CTNND2: variants seen among roughly 807,000 people sequenced by gnomAD.
CTNND2 encodes catenin delta-2.
A neutral mutation model predicts 144.4 loss-of-function variants in CTNND2; 22 were observed. The observed-to-expected ratio is 0.15, with a 90% CI of 0.11 to 0.22. CTNND2 has a LOEUF of 0.22. CTNND2 is among the 10% of genes least tolerant of loss of function. The pLI is 1.00. For missense variants in CTNND2, 1,353 were observed against 1,618.8 expected, an observed-to-expected ratio of 0.84 and a Z score of 2.82; for synonymous variants, 751 against 695.6, an observed-to-expected ratio of 1.08 and a Z score of -1.25.
chr5:11,565,539 A>C (rs958292885), intron 2 of CTNND2, among the ~76,000 whole-genome samples: 16 of 152,298 alleles, frequency 1.1e-4, no homozygotes, highest in African/African-American at 3.9e-4. Context: ...TATATATTGT[A>C]GATTGAAGAA....
At chr5:11,482,255 A>T (rs56023846) in intron 3 of CTNND2, among the ~76,000 whole-genome samples, 8,540 of 152,188 alleles carry the variant, frequency 0.056, 338 homozygotes, top group Non-Finnish European at 0.085. Flanking sequence ...GAAGGTTTAC[A>T]TCCCTGATAA....
chr5:11,018,141 T>C, intron 17 of CTNND2, 83 bp from the exon 18 acceptor site: 1 of 879,114 alleles, frequency 1.1e-6, no homozygotes, highest in Non-Finnish European at 1.9e-6. Context: ...ATTTCAAACC[T>C]CTTCATTATT....
intron 9 of CTNND2, among the ~76,000 whole-genome samples, chr5:11,291,512 C>T (rs1345539960): frequency 6.6e-6 from 1 of 152,104 alleles, no homozygotes; most frequent in African/African-American, 2.4e-5. Context: ...GATGAGTCTC[C>T]CTCATACACA....
At chr5:11,334,961 C>T (rs1489536911) in intron 9 of CTNND2, among the ~76,000 whole-genome samples, 1 of 152,234 alleles carries the variant, frequency 6.6e-6, no homozygotes, top group African/African-American at 2.4e-5. Context: ...CTTCAATGCA[C>T]TTTAGTACAT....
At chr5:11,714,053 T>C (rs1786201131) in intron 2 of CTNND2, among the ~76,000 whole-genome samples, 1 of 152,226 alleles carries the variant, frequency 6.6e-6, no homozygotes, top group African/African-American at 2.4e-5. Context: ...TTAACTTTGT[T>C]ACACGGGGAG....
intron 1 of CTNND2, among the ~76,000 whole-genome samples, chr5:11,827,341 T>C (rs1793656366): frequency 6.6e-6 from 1 of 152,202 alleles, no homozygotes; most frequent in African/African-American, 2.4e-5. Context: ...CAAAATGTGC[T>C]GCATTAAATC....
chr5:11,771,282 T>C (rs893920286), intron 1 of CTNND2, among the ~76,000 whole-genome samples: 14 of 145,024 alleles, frequency 9.7e-5, no homozygotes, highest in African/African-American at 3.3e-4. Flanking sequence ...ACCTCCACCT[T>C]CCGGCTAATT....
intron 2 of CTNND2, among the ~76,000 whole-genome samples, chr5:11,721,230 A>C (rs1173664234): frequency 6.6e-6 from 1 of 152,248 alleles, no homozygotes; most frequent in Non-Finnish European, 1.5e-5. Context: ...CCATATATTT[A>C]TAATTCCATT....
intron 1 of CTNND2, among the ~76,000 whole-genome samples, chr5:11,889,400 C>G (rs1736796312): frequency 6.6e-6 from 1 of 152,152 alleles, no homozygotes; most frequent in Non-Finnish European, 1.5e-5. Flanking sequence ...ATTCAATGCT[C>G]CAAGAGAGAA....
In CTNND2 at chr5:10,972,607, T is replaced by A. The variant is rs1422439165; in HGVS notation, c.*846A>T. On this transcript the variant is annotated 3_prime_UTR_variant, in exon 22 of 22. Coordinates refer to ENST00000304623, the MANE Select transcript of CTNND2 (RefSeq NM_001332.4). ...AAACTGGTATAAATGAAAAAATCTA[T>A]TTCAAATATCTACATCTAAAATTTT... 3 of 152,670 alleles carry A rather than the reference T, an allele frequency of 2.0e-5. No homozygotes were observed. Among genetic ancestry groups the A allele is most frequent in the Non-Finnish European group, 4.4e-5 (3 of 68,050 alleles). The allele number at this position is 152,670 out of a possible 1,614,324, so 9.5% of individuals were successfully genotyped here.
At chr5:11,728,142 A>G (rs942567935) in intron 2 of CTNND2, among the ~76,000 whole-genome samples, 1 of 152,136 alleles carries the variant, frequency 6.6e-6, no homozygotes, top group Non-Finnish European at 1.5e-5. Context: ...CAACATATAT[A>G]AAGTACTCAG....
intron 2 of CTNND2, among the ~76,000 whole-genome samples, chr5:11,641,768 G>A (rs1023201233): frequency 2.1e-5 from 3 of 145,490 alleles, no homozygotes; most frequent in East Asian, 2.3e-4. Flanking sequence ...ATACATATAC[G>A]TATATGTATG....
In CTNND2 at chr5:11,457,931, GA is replaced by G. The variant is rs1437653564; in HGVS notation, c.288-45863del. On this transcript the variant is annotated intron_variant, in intron 3 of 21. Transcript: ENST00000304623. ...GATGGCTGATGAGACGCAAGACACT[GA>G]AATCTTACTTGCATGGGCTCTGAAG... Among the ~76,000 whole-genome samples the G allele has an allele frequency of 2.6e-5, 4 of 152,270 alleles. 1 individual carries two copies. The East Asian group carries it at 7.7e-4, about 29-fold the overall frequency.
At chr5:11,393,483 T>C (rs1296944964) in intron 6 of CTNND2, among the ~76,000 whole-genome samples, 1 of 152,216 alleles carries the variant, frequency 6.6e-6, no homozygotes, top group African/African-American at 2.4e-5. Context: ...TATTCGGACA[T>C]GGGGTGAAAC....
chr5:11,537,771 A>C (rs1003251040), intron 3 of CTNND2, among the ~76,000 whole-genome samples: 12 of 152,208 alleles, frequency 7.9e-5, no homozygotes, highest in South Asian at 2.1e-4. Flanking sequence ...AGAAAGGATT[A>C]TGATAAACGT....
At chr5:11,068,863 G>A (rs953599347) in intron 16 of CTNND2, among the ~76,000 whole-genome samples, 1 of 152,298 alleles carries the variant, frequency 6.6e-6, no homozygotes, top group South Asian at 2.1e-4. Context: ...CTTGCAGTGA[G>A]CCGAGATCGC....
At chr5:11,321,588 A>G (rs922245317) in intron 9 of CTNND2, among the ~76,000 whole-genome samples, 2 of 152,208 alleles carry the variant, frequency 1.3e-5, no homozygotes, top group African/African-American at 4.8e-5. Context: ...AAAAATGTGA[A>G]GTAGGGATTG....
intron 12 of CTNND2, among the ~76,000 whole-genome samples, chr5:11,137,599 C>T (rs868244821): frequency 2.6e-5 from 4 of 152,156 alleles, no homozygotes; most frequent in African/African-American, 9.7e-5. Flanking sequence ...GCAGGTCTAA[C>T]TTGGGTGTAG....
chr5:11,877,388 T>C (rs1735643658), intron 1 of CTNND2, among the ~76,000 whole-genome samples: 2 of 152,154 alleles, frequency 1.3e-5, no homozygotes, highest in African/African-American at 2.4e-5. Flanking sequence ...GCTGTTTTAA[T>C]TGGCATCCAG....
Sources: allele counts gnomAD v4.1 joint callset (sites outside exome capture counted in the v4.1 genomes callset), GRCh38; gene constraint gnomAD v4.1.1; transcripts MANE v1.5; gene names NCBI Gene and HGNC (gene_info 2026-07-23, HGNC 2026-07-21).